The following ZNF138 variants were observed in gnomAD, a reference collection of about 807,000 sequenced individuals.
ZNF138 encodes zinc finger protein 138 (clone pHZ-32).
In ZNF138, 33 loss-of-function variants were observed where a neutral mutation model predicts 33.0. The ratio of observed to expected loss-of-function variants is 1.00; its 90% CI spans 0.76 to 1.34. The LOEUF (loss-of-function observed/expected upper bound fraction) is 1.34. Ranked by LOEUF, ZNF138 falls within the 40% of genes most tolerant of loss-of-function variation. The pLI, the probability that ZNF138 is intolerant of heterozygous loss-of-function variation, is 0.00. For missense variants in ZNF138, 360 were observed against 370.8 expected (o/e 0.97, Z 0.24); for synonymous variants, 139 against 120.4 (o/e 1.15, Z -1.01).
Position 64,794,579 on chromosome 7 carries a change from T to G in ZNF138, c.3+8T>G, listed in dbSNP as rs773270814. ...CCCGGAAGCCTAGAAATGGTGAGAGTGCTGGGTCCGACATCCCGAGAGAGG... is the reference window on the plus strand; with the variant it reads ...CCCGGAAGCCTAGAAATGGTGAGAGGGCTGGGTCCGACATCCCGAGAGAGG... On this transcript the variant is annotated splice_region_variant and intron_variant, in intron 1 of 3. Coordinates refer to ENST00000307355, the MANE Select transcript of ZNF138 (RefSeq NM_001271639.2). 1 of 1,613,270 alleles carries G rather than the reference T, an allele frequency of 6.2e-7. No homozygotes were observed.
downstream of ZNF138, among the ~76,000 whole-genome samples, chr7:64,837,297 G>C (rs370757846): frequency 1.8e-4 from 27 of 152,254 alleles, no homozygotes; most frequent in East Asian, 2.7e-3. Context: ...CTTTCCACGG[G>C]GGGAGAGACC....
chr7:64,840,375 A>T, the ZNF138 span, among the ~76,000 whole-genome samples: 3 of 152,154 alleles, frequency 2.0e-5, no homozygotes, highest in African/African-American at 7.2e-5. Flanking sequence ...TCAAACTGCA[A>T]ATAAATTAAT....
chr7:64,800,379 T>C (rs1036837600), intron 1 of ZNF138, among the ~76,000 whole-genome samples: 13 of 152,332 alleles, frequency 8.5e-5, no homozygotes, highest in Admixed American at 8.5e-4. Context: ...CCTAGTTTGT[T>C]GAAGGTTTTT....
chr7:64,859,836 T>C, the ZNF138 span, among the ~76,000 whole-genome samples: 1 of 152,204 alleles, frequency 6.6e-6, no homozygotes, highest in Non-Finnish European at 1.5e-5. Flanking sequence ...CTGTATTTTC[T>C]GTATAAAAAT....
Position 64,832,158 on chromosome 7 carries a change from C to G in ZNF138, c.916C>G (p.Pro306Ala), listed in dbSNP as rs1392481371. ...KHQIIYTGEE[P>A]YKCEECGKAF... Reference sequence around the variant, plus strand: ...TCAGATAATTTATACTGGAGAGGAACCATACAAATGTGAGGAATGTGGCAA... The same window carrying G: ...TCAGATAATTTATACTGGAGAGGAAGCATACAAATGTGAGGAATGTGGCAA... Residue 306 changes from proline (P) to alanine (A), a missense_variant, in exon 4 of 4, where the codon CCA (proline) becomes GCA (alanine). By Grantham distance (27) the Pro-to-Ala change is conservative. Transcript: ENST00000307355. The G allele has an allele frequency of 6.2e-7, 1 of 1,611,378 alleles. No homozygotes were observed. Among genetic ancestry groups the G allele is most frequent in the Middle Eastern group, 1.7e-4 (1 of 6,050 alleles).
At chr7:64,794,911 GT>G (rs1786565371) in intron 1 of ZNF138, among the ~76,000 whole-genome samples, 1 of 152,116 alleles carries the variant, frequency 6.6e-6, no homozygotes, top group Admixed American at 6.5e-5. Context: ...ATGGGAAGAG[GT>G]TTCCTCCGCG....
the ZNF138 span, among the ~76,000 whole-genome samples, chr7:64,847,332 A>ATTT: frequency 2.6e-3 from 328 of 128,118 alleles, 1 homozygote; most frequent in South Asian, 5.7e-3. Flanking sequence ...ATATATATAT[A>ATTT]TTTTTTTTTT....
rs71061316 is a variant in ZNF138, at chr7:64,825,154, C to CTTTTT, written c.209-6265_209-6261dup. Among the ~76,000 whole-genome samples, 4 of 46,020 alleles carry CTTTTT rather than the reference C, an allele frequency of 8.7e-5. 2 individuals are homozygous for CTTTTT. Among genetic ancestry groups the CTTTTT allele is most frequent in the African/African-American group, 3.9e-4 (4 of 10,274 alleles). The allele number at this position is 46,020 out of a possible 152,430, so 30.2% of individuals were successfully genotyped here. A position where few individuals can be genotyped will look rare whatever the true frequency, so the allele number is the denominator to read the frequency against. ...TCTTGTAGGCCGCATGTTGTATGCT[C>CTTTTT]TTTTTTTTTTTTTTTTTTTTTTTTT... On this transcript the variant is annotated intron_variant, in intron 3 of 3. Transcript: ENST00000307355.
chr7:64,834,690 G>A (rs1662150740), downstream of ZNF138, among the ~76,000 whole-genome samples: 1 of 152,150 alleles, frequency 6.6e-6, no homozygotes, highest in Admixed American at 6.5e-5. Context: ...TTCTATGGAA[G>A]AGTAAAGACA....
intron 1 of ZNF138, among the ~76,000 whole-genome samples, chr7:64,806,849 ACT>A (rs1304903972): frequency 2.6e-5 from 4 of 152,094 alleles, no homozygotes; most frequent in Non-Finnish European, 4.4e-5. Context: ...TTATCAGCCC[ACT>A]CTGTTGTTGG....
At chr7:64,812,628 G>C (rs1788269752) in intron 1 of ZNF138, among the ~76,000 whole-genome samples, 1 of 152,116 alleles carries the variant, frequency 6.6e-6, no homozygotes, top group Non-Finnish European at 1.5e-5. Context: ...TTTCCATAGA[G>C]CAGCTTATTG....
chr7:64,811,696 A>G (rs1788190869), intron 1 of ZNF138, among the ~76,000 whole-genome samples: 4 of 152,244 alleles, frequency 2.6e-5, no homozygotes, highest in Admixed American at 2.0e-4. Context: ...AGCAAAAAAT[A>G]TGAAAATTGA....
chr7:64,828,160 T>C (rs1410370891), intron 3 of ZNF138, among the ~76,000 whole-genome samples: 1 of 136,872 alleles, frequency 7.3e-6, no homozygotes, highest in African/African-American at 2.8e-5. Flanking sequence ...TTGAAGATAA[T>C]TTAAAAACTA....
At chr7:64,855,441 T>G in the ZNF138 span, among the ~76,000 whole-genome samples, 1 of 11,830 alleles carries the variant, frequency 8.5e-5, no homozygotes, top group Non-Finnish European at 0.012. Context: ...AGAATTTTAT[T>G]TTATCTTGCG....
chr7:64,858,257 C>T, the ZNF138 span, among the ~76,000 whole-genome samples: 3 of 152,158 alleles, frequency 2.0e-5, no homozygotes, highest in Non-Finnish European at 4.4e-5. Flanking sequence ...CTATTCTCAG[C>T]TCTACTTACA....
chr7:64,832,536 T>A lies in ZNF138; in HGVS notation c.*334T>A. The A allele has an allele frequency of 1.5e-6, 1 of 653,568 alleles. No individual in the cohort carries two copies. The highest frequency in any genetic ancestry group is 2.4e-6 in the Non-Finnish European group (1 of 409,744). 40.5% of individuals were successfully genotyped at this position (653,568 alleles called of 1,614,324 possible). ...ATGCGGAAAAGCCTTTAACTGGTCC[T>A]CAACTCTTATTACACATAAGATAAT... On this transcript the variant is annotated 3_prime_UTR_variant, in exon 4 of 4. Coordinates refer to ENST00000307355, the MANE Select transcript of ZNF138 (RefSeq NM_001271639.2).
At position 64,815,017 on chromosome 7, in the gene ZNF138, G is replaced by C. The variant is rs988209785; in HGVS notation, c.103G>C (p.Glu35Gln). 1 of 1,610,534 alleles carries C rather than the reference G, an allele frequency of 6.2e-7. No homozygotes were observed. ...QRNVYRHVML[E>Q]NYRNLVFLDL... ...GAATGTATATAGGCATGTGATGTTAGAGAACTACAGAAACCTGGTTTTCTT... is the reference window on the plus strand; with the variant it reads ...GAATGTATATAGGCATGTGATGTTACAGAACTACAGAAACCTGGTTTTCTT... The change falls in exon 2 of 4, where the codon GAG becomes CAG. Residue 35 changes from glutamate (E) to glutamine (Q), a missense_variant. Physicochemically the swap from Glu to Gln is conservative, Grantham distance 29 (BLOSUM62 2). Transcript: ENST00000307355.
chr7:64,822,557 TTGTGTGCTC>T (rs1789255871), intron 3 of ZNF138, among the ~76,000 whole-genome samples: 1 of 151,632 alleles, frequency 6.6e-6, no homozygotes, highest in Admixed American at 6.6e-5. Flanking sequence ...CTTTTCTCTA[TTGTGTGCTC>T]ATGGCAACTT....
chr7:64,812,937 G>A (rs1260627084), intron 1 of ZNF138, among the ~76,000 whole-genome samples: 1 of 146,206 alleles, frequency 6.8e-6, no homozygotes, highest in Non-Finnish European at 1.5e-5. Context: ...TTTAGTACCT[G>A]TAAACCTTTA....
Sources: allele counts gnomAD v4.1 joint callset (sites outside exome capture counted in the v4.1 genomes callset), GRCh38; gene constraint gnomAD v4.1.1; transcripts MANE v1.5; gene names NCBI Gene and HGNC (gene_info 2026-07-23, HGNC 2026-07-21).